The following FSCN2 variants were observed in gnomAD, a reference collection of about 807,000 sequenced individuals.
FSCN2 encodes fascin actin-bundling protein 2, retinal.
A neutral mutation model predicts 37.8 loss-of-function variants in FSCN2; 46 were observed. That is an observed-to-expected ratio of 1.22 (90% CI 0.96 to 1.56). The LOEUF (loss-of-function observed/expected upper bound fraction) is 1.56, where lower values mean the gene tolerates loss of function less well. Among genes scored for constraint, FSCN2 ranks in the 40% most tolerant of loss-of-function variants. The probability of loss-of-function intolerance (pLI) is 0.00; values close to 1 mark genes in which losing one functional copy is unlikely to be tolerated. For synonymous variants in FSCN2, 351 were observed against 309.4 expected, an observed-to-expected ratio of 1.13 and a Z score of -1.41; for missense variants, 844 against 730.4, an observed-to-expected ratio of 1.16 and a Z score of -1.79.
chr17:81,525,850 T>A (rs2032334738), upstream of FSCN2, among the ~76,000 whole-genome samples: 1 of 152,236 alleles, frequency 6.6e-6, no homozygotes, highest in Admixed American at 6.5e-5. Context: ...AGCAGGTGGC[T>A]GGGCAACAGC....
chr17:81,519,899 C>T, the FSCN2 span, among the ~76,000 whole-genome samples: 4 of 152,322 alleles, frequency 2.6e-5, no homozygotes, highest in African/African-American at 4.8e-5. Context: ...ACTCTGCTCC[C>T]CTAGCAGATG....
the FSCN2 span, among the ~76,000 whole-genome samples, chr17:81,521,363 C>CTTT: frequency 0.01 from 1,390 of 134,614 alleles, 30 homozygotes; most frequent in African/African-American, 0.037. Context: ...CCAAGCCCAG[C>CTTT]TTTTTTTTTT....
chr17:81,534,491 C>A (rs1295734426), intron 1 of FSCN2, among the ~76,000 whole-genome samples: 1 of 152,086 alleles, frequency 6.6e-6, no homozygotes, highest in Non-Finnish European at 1.5e-5. Context: ...ATGGGTGCCC[C>A]TCCATCCCCT....
At chr17:81,521,943 G>A in the FSCN2 span, among the ~76,000 whole-genome samples, 2 of 152,200 alleles carry the variant, frequency 1.3e-5, no homozygotes, top group African/African-American at 2.4e-5. Flanking sequence ...TCCCAGAAAT[G>A]TCCTCCGTAG....
At chr17:81,520,552 T>G in the FSCN2 span, among the ~76,000 whole-genome samples, 1 of 152,252 alleles carries the variant, frequency 6.6e-6, no homozygotes, top group East Asian at 1.9e-4. Context: ...CAGTGTTGAG[T>G]TTGCGTATCG....
chr17:81,536,657 C>G lies in FSCN2; in HGVS notation c.1141C>G (p.Arg381Gly). ...AGAGTTCACCCTCAAGCTCATCAAC[C>G]GGCCCATCCTGGTGCTGCGCGGCCT... Reference protein sequence around the residue: ...DEEFTLKLINRPILVLRGLDG... With the variant: ...DEEFTLKLINGPILVLRGLDG... Residue 381 changes from arginine to glycine, a missense_variant, in exon 4 of 5, where the codon CGG becomes GGG. Physicochemically the swap from Arg to Gly is moderately radical, Grantham distance 125 (BLOSUM62 -2). Transcript: ENST00000417245. 1 of 1,611,152 alleles carries G rather than the reference C, an allele frequency of 6.2e-7. No individual in the cohort carries two copies. The highest frequency in any genetic ancestry group is 8.5e-7 in the Non-Finnish European group (1 of 1,179,622).
chr17:81,524,599 G>A (rs1161489546), upstream of FSCN2, among the ~76,000 whole-genome samples: 3 of 152,240 alleles, frequency 2.0e-5, no homozygotes, highest in African/African-American at 4.8e-5. Flanking sequence ...CTCCGGAGGT[G>A]TGGCCACAGG....
chr17:81,526,265 G>T (rs1350981623), upstream of FSCN2, among the ~76,000 whole-genome samples: 5 of 152,142 alleles, frequency 3.3e-5, no homozygotes, highest in South Asian at 2.1e-4. Context: ...TGCCTGGGGT[G>T]GGGGGGACCA....
rs552792338 is a variant in FSCN2, at chr17:81,528,401, G to T, written c.-131G>T. On this transcript the variant is annotated 5_prime_UTR_variant, in exon 1 of 5. Transcript: ENST00000417245. ...CAGAGGCGGGTCAGAGCAGGCAGGGGGTTCGTGACGCCGGCTGGGTCTGGG... is the reference window on the plus strand; with the variant it reads ...CAGAGGCGGGTCAGAGCAGGCAGGGTGTTCGTGACGCCGGCTGGGTCTGGG... The T allele has an allele frequency of 7.4e-6, 5 of 677,618 alleles. No homozygotes were observed. The South Asian group carries it at 7.4e-5, about 10-fold the overall frequency. 42.0% of individuals were successfully genotyped at this position (677,618 alleles called of 1,614,324 possible).
chr17:81,531,804 GTGA>G (rs1372907296), intron 1 of FSCN2, among the ~76,000 whole-genome samples: 54 of 121,196 alleles, frequency 4.5e-4, no homozygotes, highest in Admixed American at 1.3e-3. Context: ...GATGATAATG[GTGA>G]TGATGGTGGT....
intron 1 of FSCN2, 140 bp downstream of exon 1, chr17:81,529,497 A>C (rs2032479099): frequency 1.2e-6 from 1 of 837,778 alleles, no homozygotes; most frequent in Non-Finnish European, 2.0e-6. Context: ...TCCATGTGGG[A>C]CATGTGTGGC....
At chr17:81,529,989 T>C (rs1347723275) in intron 1 of FSCN2, 1 of 301,964 alleles carries the variant, frequency 3.3e-6, no homozygotes, top group South Asian at 2.8e-5. Context: ...TTTTGTATTT[T>C]TTAGAAGAGA....
intron 1 of FSCN2, among the ~76,000 whole-genome samples, chr17:81,532,619 AATGGTGATGATGGTG>A (rs1261280432): frequency 3.9e-5 from 3 of 77,574 alleles, no homozygotes; most frequent in East Asian, 4.9e-4. Flanking sequence ...TGGTGATGAT[AATGGTGATGATGGTG>A]ATGGTGATGA....
At chr17:81,516,168 A>G in the FSCN2 span, among the ~76,000 whole-genome samples, 7 of 152,374 alleles carry the variant, frequency 4.6e-5, no homozygotes, top group East Asian at 1.2e-3. Flanking sequence ...TTCCACCACT[A>G]AATGAAACGA....
chr17:81,527,480 C>G (rs782390915), upstream of FSCN2: 1 of 152,484 alleles, frequency 6.6e-6, no homozygotes, highest in Non-Finnish European at 1.5e-5. Flanking sequence ...GGGGTACAGC[C>G]AGGTGGCCCA....
chr17:81,532,151 G>GATA (rs2032678648), intron 1 of FSCN2, among the ~76,000 whole-genome samples: 1 of 139,796 alleles, frequency 7.2e-6, no homozygotes, highest in South Asian at 2.3e-4. Flanking sequence ...TGATGGTGAT[G>GATA]GTGATGATGA....
At position 81,531,271 on chromosome 17, in the gene FSCN2, TGGC is replaced by T. The variant is rs1200154805; in HGVS notation, c.826+1917_826+1919del. On this transcript the variant is annotated intron_variant, in intron 1 of 4. Coordinates refer to ENST00000417245, the MANE Select transcript of FSCN2 (RefSeq NM_012418.4). ...ATGGTGATGGTGATGATGGTGGTGA[TGGC>T]GGTGGTGATGGTGATGGTGGTGATG... Among the ~76,000 whole-genome samples, 491 of 81,696 alleles carry T rather than the reference TGGC, an allele frequency of 6.0e-3. 2 individuals are homozygous for T. The highest frequency in any genetic ancestry group is 0.025 in the Middle Eastern group (4 of 158). The allele number at this position is 81,696 out of a possible 152,430, so 53.6% of individuals were successfully genotyped here.
chr17:81,523,151 C>G, the FSCN2 span, among the ~76,000 whole-genome samples: 1 of 152,208 alleles, frequency 6.6e-6, no homozygotes, highest in Admixed American at 6.5e-5. Context: ...CTGAGAGTTC[C>G]AAGGCGAGGC....
chr17:81,515,235 G>C, the FSCN2 span, among the ~76,000 whole-genome samples: 2 of 152,196 alleles, frequency 1.3e-5, no homozygotes, highest in Admixed American at 6.5e-5. Context: ...CGCGGGGCCT[G>C]TCCTGGATAT....
Sources: gnomAD v4.1 joint callset for allele counts (sites outside exome capture counted in the v4.1 genomes callset) on GRCh38, gnomAD v4.1.1 for gene constraint, MANE v1.5 for transcripts, NCBI Gene and HGNC (gene_info 2026-07-23, HGNC 2026-07-21) for gene names.